The following CSMD1 variants were observed in gnomAD, a reference collection of about 807,000 sequenced individuals.
CSMD1 encodes CUB and Sushi multiple domains 1.
Under a neutral mutation model 417.5 loss-of-function variants are expected in CSMD1, and 213 were observed. The ratio of observed to expected loss-of-function variants is 0.51; its 90% CI spans 0.46 to 0.57. The LOEUF (loss-of-function observed/expected upper bound fraction) is 0.57. Ranked by LOEUF, CSMD1 falls within the 20% of genes least tolerant of loss-of-function variation. CSMD1 has a pLI of 0.00. For missense variants in CSMD1, 6,923 were observed against 4,529.7 expected (o/e 1.53, Z -15.17); for synonymous variants, 2,862 against 1,736.8 (o/e 1.65, Z -16.11).
chr8:3,503,627 C>T (rs899791552), intron 10 of CSMD1, among the ~76,000 whole-genome samples: 15 of 152,176 alleles, frequency 9.9e-5, no homozygotes, highest in South Asian at 4.1e-4. Flanking sequence ...CATAAATTAC[C>T]GTAATTCTCT....
At chr8:3,846,480 C>G (rs1007058159) in intron 5 of CSMD1, among the ~76,000 whole-genome samples, 4 of 152,108 alleles carry the variant, frequency 2.6e-5, no homozygotes, top group Non-Finnish European at 5.9e-5. Flanking sequence ...TCAGTTTTTT[C>G]ACGTGTGAAA....
chr8:2,990,321 T>A (rs576853149), intron 54 of CSMD1, among the ~76,000 whole-genome samples: 1 of 152,294 alleles, frequency 6.6e-6, no homozygotes, highest in South Asian at 2.1e-4. Flanking sequence ...TGAGTTAACG[T>A]GATTGTTTCA....
In CSMD1 at chr8:3,190,030, G is replaced by A. The variant is rs34652555; in HGVS notation, c.5280C>T (p.Gly1760=). Residue 1760 remains glycine (G), a synonymous_variant, in exon 34 of 70, where the codon GGC becomes GGT. Transcript: ENST00000635120. ...GRRIGSEFSA[G]SIVRFECNPG... ...GGTTGCACTCGAATCGGACGATGGA[G>A]CCGGCAGAAAACTCAGAACCAATTC... 4,275 of 1,594,780 alleles carry A rather than the reference G, an allele frequency of 2.7e-3. 114 individuals carry two copies. The African/African-American group carries it at 0.049, about 18-fold the overall frequency.
intron 1 of CSMD1, among the ~76,000 whole-genome samples, chr8:4,883,565 G>C (rs772041644): frequency 6.6e-6 from 1 of 151,952 alleles, no homozygotes; most frequent in Non-Finnish European, 1.5e-5. Flanking sequence ...CAAGCATTTC[G>C]TATAATAGAA....
chr8:4,267,741 G>A (rs575660254), intron 3 of CSMD1, among the ~76,000 whole-genome samples: 1 of 152,048 alleles, frequency 6.6e-6, no homozygotes, highest in Non-Finnish European at 1.5e-5. Flanking sequence ...ATTCCAAATT[G>A]TAAGGTGCCA....
intron 49 of CSMD1, among the ~76,000 whole-genome samples, chr8:3,064,839 G>C (rs1422811643): frequency 6.6e-6 from 1 of 152,094 alleles, no homozygotes; most frequent in African/African-American, 2.4e-5. Context: ...CAATAAAGTA[G>C]GCATTAAAGA....
chr8:4,503,453 A>G (rs746313899), intron 2 of CSMD1, among the ~76,000 whole-genome samples: 1 of 152,218 alleles, frequency 6.6e-6, no homozygotes, highest in Non-Finnish European at 1.5e-5. Flanking sequence ...GTTTCCAAAT[A>G]AATTTAGAAA....
chr8:3,128,971 C>G, intron 41 of CSMD1: 1 of 419,338 alleles, frequency 2.4e-6, no homozygotes, highest in Non-Finnish European at 4.7e-6. Flanking sequence ...GCGTGACAAA[C>G]AATACTAGCA....
chr8:4,911,326 C>T (rs1298425272), intron 1 of CSMD1, among the ~76,000 whole-genome samples: 2 of 152,126 alleles, frequency 1.3e-5, no homozygotes, highest in African/African-American at 4.8e-5. Flanking sequence ...ATAACTTAAC[C>T]AATATGCAGA....
At chr8:4,980,775 T>G (rs761122103) in intron 1 of CSMD1, among the ~76,000 whole-genome samples, 1 of 151,936 alleles carries the variant, frequency 6.6e-6, no homozygotes, top group Non-Finnish European at 1.5e-5. Flanking sequence ...TGTGGTGGCA[T>G]GGGTCTGTAG....
chr8:3,901,664 A>G (rs950406147), intron 5 of CSMD1, among the ~76,000 whole-genome samples: 3 of 152,222 alleles, frequency 2.0e-5, no homozygotes, highest in African/African-American at 7.2e-5. Context: ...TTATGTTCAC[A>G]GAATGTACTT....
intron 1 of CSMD1, among the ~76,000 whole-genome samples, chr8:4,864,732 G>A (rs1175737212): frequency 2.6e-5 from 4 of 151,594 alleles, no homozygotes; most frequent in East Asian, 1.9e-4. Context: ...AAAATTCGAA[G>A]TATATTTTCC....
rs187468331 is a variant in CSMD1 at position 3,558,939 on chromosome 8, C to T, written c.1344+16006G>A. Among the ~76,000 whole-genome samples, 161 of 152,232 alleles carry T rather than the reference C, an allele frequency of 1.1e-3. 1 individual carries two copies. The highest frequency in any genetic ancestry group is 3.8e-3 in the African/African-American group (158 of 41,540). On this transcript the variant is annotated intron_variant, in intron 10 of 69. Transcript: ENST00000635120. Reference sequence around the variant, plus strand: ...GGGGCAGCACCACGATTCGAGGTCCCAGAGTAGCCCAGTATGACGGCAGAA... The same window carrying T: ...GGGGCAGCACCACGATTCGAGGTCCTAGAGTAGCCCAGTATGACGGCAGAA...
chr8:4,646,652 G>C (rs192009141), intron 1 of CSMD1, among the ~76,000 whole-genome samples: 1 of 152,210 alleles, frequency 6.6e-6, no homozygotes, highest in Admixed American at 6.5e-5. Context: ...AGATTTCTGC[G>C]TCAACAAGGC....
intron 3 of CSMD1, among the ~76,000 whole-genome samples, chr8:4,364,352 A>G (rs1801947723): frequency 6.6e-6 from 1 of 152,150 alleles, no homozygotes; most frequent in Non-Finnish European, 1.5e-5. Flanking sequence ...AATCTTACCT[A>G]AGAAAACAGC....
chr8:3,907,388 G>A (rs1181486609), intron 5 of CSMD1, among the ~76,000 whole-genome samples: 1 of 152,062 alleles, frequency 6.6e-6, no homozygotes, highest in African/African-American at 2.4e-5. Context: ...TATCTAAATG[G>A]GGTAATTTAG....
intron 3 of CSMD1, among the ~76,000 whole-genome samples, chr8:4,225,647 G>T (rs919121507): frequency 2.0e-5 from 3 of 152,008 alleles, no homozygotes; most frequent in Non-Finnish European, 2.9e-5. Flanking sequence ...CATAACCAGA[G>T]AAATTAAAAG....
chr8:4,163,339 G>C (rs531014824), intron 3 of CSMD1, among the ~76,000 whole-genome samples: 1 of 152,070 alleles, frequency 6.6e-6, no homozygotes, highest in African/African-American at 2.4e-5. Context: ...GTTCCATTTC[G>C]CATTCCCATC....
At chr8:3,063,801 G>A (rs1342679880) in intron 49 of CSMD1, among the ~76,000 whole-genome samples, 3 of 152,184 alleles carry the variant, frequency 2.0e-5, no homozygotes, top group Non-Finnish European at 4.4e-5. Flanking sequence ...AAAGTAAAAT[G>A]ATGGCTTGTA....
Sources: gnomAD v4.1 joint callset for allele counts (sites outside exome capture counted in the v4.1 genomes callset) on GRCh38, gnomAD v4.1.1 for gene constraint, MANE v1.5 for transcripts, NCBI Gene and HGNC (gene_info 2026-07-23, HGNC 2026-07-21) for gene names.